PLBD1: variants seen among roughly 807,000 people sequenced by gnomAD.
The protein encoded by PLBD1 is lysosomal leucine aminopeptidase.
PLBD1 carries 60 observed loss-of-function variants against 63.0 expected under a neutral mutation model. The observed-to-expected ratio is 0.95, with a 90% CI of 0.77 to 1.18. The LOEUF (loss-of-function observed/expected upper bound fraction) is 1.18, where lower values mean the gene tolerates loss of function less well. PLBD1 is among the 50% of genes most tolerant of loss of function. The probability of loss-of-function intolerance (pLI) is 0.00; values close to 1 mark genes in which losing one functional copy is unlikely to be tolerated. For missense variants in PLBD1, 598 were observed against 677.9 expected (o/e 0.88, Z 1.31); for synonymous variants, 262 against 248.0 (o/e 1.06, Z -0.53).
intron 1 of PLBD1, among the ~76,000 whole-genome samples, chr12:14,565,674 A>C (rs1945775216): frequency 6.6e-6 from 1 of 151,998 alleles, no homozygotes; most frequent in Non-Finnish European, 1.5e-5. Context: ...CCAGTTCTTT[A>C]CTCTTTGGTT....
intron 1 of PLBD1, among the ~76,000 whole-genome samples, chr12:14,557,032 A>G (rs2136933388): frequency 6.6e-6 from 1 of 151,538 alleles, no homozygotes; most frequent in East Asian, 2.0e-4. Flanking sequence ...CGCTTTTCAA[A>G]ATAATACATA....
At position 14,525,581 on chromosome 12, in the gene PLBD1, A is replaced by G. The variant is rs977001065; in HGVS notation, c.844+10078T>C. On this transcript the variant is annotated intron_variant, in intron 6 of 10. Transcript: ENST00000240617. ...ACAAACTTAAAATACAATAATCACAAAGAAGACCAGAGCTAGCCCACGACA... is the reference window on the plus strand; with the variant it reads ...ACAAACTTAAAATACAATAATCACAGAGAAGACCAGAGCTAGCCCACGACA... Among the ~76,000 whole-genome samples, 5 of 152,056 alleles carry G rather than the reference A, an allele frequency of 3.3e-5. No homozygotes were observed. In the South Asian group the frequency reaches 1.0e-3, roughly 32 times the overall value.
At chr12:14,508,705 G>C (rs1945273408) in intron 8 of PLBD1, among the ~76,000 whole-genome samples, 1 of 152,164 alleles carries the variant, frequency 6.6e-6, no homozygotes, top group Admixed American at 6.5e-5. Flanking sequence ...GAGAGGCAAA[G>C]GTTGTAGTGA....
chr12:14,545,402 T>C (rs868317133), intron 2 of PLBD1, among the ~76,000 whole-genome samples: 2 of 152,264 alleles, frequency 1.3e-5, no homozygotes, highest in African/African-American at 4.8e-5. Flanking sequence ...TTTATCACTT[T>C]GTTTTCTGTT....
At chr12:14,506,135 T>G (rs1945253197) in intron 10 of PLBD1, 27 bp downstream of exon 10, 2 of 1,519,556 alleles carry the variant, frequency 1.3e-6, no homozygotes, top group African/African-American at 2.8e-5. Context: ...TGGTGGGAAT[T>G]AAATTCAAAA....
chr12:14,562,459 C>CAAAAAA (rs58838197), intron 1 of PLBD1, among the ~76,000 whole-genome samples: 1 of 102,024 alleles, frequency 9.8e-6, no homozygotes, highest in Non-Finnish European at 1.8e-5. Flanking sequence ...GACTCCCTCT[C>CAAAAAA]AAAAAAAAAA....
intron 6 of PLBD1, among the ~76,000 whole-genome samples, chr12:14,519,854 C>T (rs1279297637): frequency 1.3e-5 from 2 of 152,130 alleles, no homozygotes; most frequent in Non-Finnish European, 2.9e-5. Context: ...ATAGCCCATA[C>T]CCAACTCTAG....
In PLBD1 at chr12:14,567,813, C is replaced by A. The variant is rs1565583801; in HGVS notation, c.-117G>T. The A allele has an allele frequency of 7.7e-7, 1 of 1,294,862 alleles. No individual in the cohort carries two copies. The highest frequency in any genetic ancestry group is 1.9e-5 in the South Asian group (1 of 52,962). The allele number at this position is 1,294,862 out of a possible 1,614,324, so 80.2% of individuals were successfully genotyped here. ...GGGGCGCCGCCTCTCCGAGGTGGGGCGTCCTCAACTTTCCTCTTTCTTGAG... is the reference window on the plus strand; with the variant it reads ...GGGGCGCCGCCTCTCCGAGGTGGGGAGTCCTCAACTTTCCTCTTTCTTGAG... On this transcript the variant is annotated 5_prime_UTR_variant, in exon 1 of 11. Coordinates refer to ENST00000240617, the MANE Select transcript of PLBD1 (RefSeq NM_024829.6).
intron 1 of PLBD1, among the ~76,000 whole-genome samples, chr12:14,561,255 G>A (rs1452092527): frequency 1.3e-5 from 2 of 151,636 alleles, no homozygotes; most frequent in South Asian, 4.2e-4. Flanking sequence ...GATTTGCTTA[G>A]ATCTGGAATG....
At chr12:14,547,925 C>A (rs1945627506) in intron 2 of PLBD1, among the ~76,000 whole-genome samples, 1 of 152,100 alleles carries the variant, frequency 6.6e-6, no homozygotes, top group African/African-American at 2.4e-5. Context: ...GGCTCCTACT[C>A]ACAAGCGTCG....
At chr12:14,519,181 G>A (rs544157476) in intron 6 of PLBD1, among the ~76,000 whole-genome samples, 1 of 152,096 alleles carries the variant, frequency 6.6e-6, no homozygotes, top group African/African-American at 2.4e-5. Flanking sequence ...ACTGAATTCT[G>A]TTTCCTCAAA....
chr12:14,534,746 G>A (rs1269165028), intron 6 of PLBD1, among the ~76,000 whole-genome samples: 2 of 152,186 alleles, frequency 1.3e-5, no homozygotes, highest in East Asian at 3.9e-4. Context: ...GGTTCACTGT[G>A]TTAGCCAGGA....
chr12:14,547,675 T>A (rs922741335), intron 2 of PLBD1, among the ~76,000 whole-genome samples: 31 of 152,146 alleles, frequency 2.0e-4, no homozygotes, highest in African/African-American at 6.8e-4. Context: ...CTCTTCTACA[T>A]GTTGAGAATC....
chr12:14,534,705 G>C (rs1408324834), intron 6 of PLBD1, among the ~76,000 whole-genome samples: 2 of 152,048 alleles, frequency 1.3e-5, no homozygotes, highest in Admixed American at 1.3e-4. Flanking sequence ...CACCACGCCT[G>C]GCTAATTTTT....
intron 9 of PLBD1, 43 bp downstream of exon 9, chr12:14,506,890 A>G: frequency 6.4e-7 from 1 of 1,565,096 alleles, no homozygotes; most frequent in East Asian, 2.3e-5. Context: ...ATAGGGAAGA[A>G]AAGGAGTTTT....
At chr12:14,506,589 T>C (rs1340065880) in intron 9 of PLBD1, among the ~76,000 whole-genome samples, 1 of 152,162 alleles carries the variant, frequency 6.6e-6, no homozygotes, top group Non-Finnish European at 1.5e-5. Flanking sequence ...ACAAAAAAAA[T>C]GAGGTATTTA....
intron 2 of PLBD1, among the ~76,000 whole-genome samples, chr12:14,546,618 G>A (rs1426564954): frequency 6.6e-6 from 1 of 152,164 alleles, no homozygotes; most frequent in Non-Finnish European, 1.5e-5. Flanking sequence ...GAGGGAGAAG[G>A]TGCAACTGCT....
At chr12:14,528,993 A>G (rs569328309) in intron 6 of PLBD1, among the ~76,000 whole-genome samples, 2 of 152,186 alleles carry the variant, frequency 1.3e-5, no homozygotes, top group South Asian at 4.1e-4. Context: ...ACAAATAAAA[A>G]CCTTCATATC....
chr12:14,518,757 C>T (rs969918141), intron 6 of PLBD1, among the ~76,000 whole-genome samples: 7 of 152,162 alleles, frequency 4.6e-5, no homozygotes, highest in Non-Finnish European at 7.3e-5. Context: ...GCTCTGTGCT[C>T]ATCCTGGGAC....
Sources: allele counts gnomAD v4.1 joint callset (sites outside exome capture counted in the v4.1 genomes callset), GRCh38; gene constraint gnomAD v4.1.1; transcripts MANE v1.5; gene names NCBI Gene and HGNC (gene_info 2026-07-23, HGNC 2026-07-21).